Variants in SGMS1 observed in about 807,000 individuals in gnomAD.
The protein encoded by SGMS1 is sphingomyelin synthase 1, also known as phosphatidylcholine:ceramide cholinephosphotransferase 1.
In SGMS1, 13 loss-of-function variants were observed where a neutral mutation model predicts 46.2. That is an observed-to-expected ratio of 0.28 (90% CI 0.18 to 0.45). The LOEUF (loss-of-function observed/expected upper bound fraction) is 0.45. SGMS1 is among the 20% of genes least tolerant of loss of function. SGMS1 has a pLI of 1.00. For missense variants in SGMS1, 324 were observed against 519.9 expected (o/e 0.62, Z 3.66); for synonymous variants, 203 against 187.8 (o/e 1.08, Z -0.66).
At position 50,327,205 on chromosome 10, in the gene SGMS1, C is replaced by A; in HGVS notation, c.741G>T (p.Lys247Asn). 6.5e-7 allele frequency: 1 copy of A among 1,532,378 alleles called. No homozygotes were observed. Among genetic ancestry groups the A allele is most frequent in the Non-Finnish European group, 9.0e-7 (1 of 1,111,866 alleles). The allele number at this position is 1,532,378 out of a possible 1,614,324, so 94.9% of individuals were successfully genotyped here. ...VPGMHFNCSP[K>N]LFGDWEAQLR... Reference sequence around the variant, plus strand: ...GAAATTACAGCGAGGAATAGTTTACCTTCGGAGAACAGTTGAAATGCATAC... The same window carrying A: ...GAAATTACAGCGAGGAATAGTTTACATTCGGAGAACAGTTGAAATGCATAC... The change falls in exon 8 of 11, where the codon AAG (lysine) becomes AAT (asparagine). Residue 247 changes from lysine (K) to asparagine (N), a missense_variant and splice_region_variant. Coordinates refer to ENST00000361781, the MANE Select transcript of SGMS1 (RefSeq NM_147156.4).
At chr10:50,397,691 G>C (rs1241904034) in intron 6 of SGMS1, among the ~76,000 whole-genome samples, 1 of 152,180 alleles carries the variant, frequency 6.6e-6, no homozygotes. Context: ...AACACAAGTT[G>C]AGGAAGCTGC....
At chr10:50,616,016 G>A (rs1838793325) in intron 1 of SGMS1, among the ~76,000 whole-genome samples, 1 of 152,236 alleles carries the variant, frequency 6.6e-6, no homozygotes, top group Non-Finnish European at 1.5e-5. Context: ...TAGTCTTAGA[G>A]AGTGTTACAC....
At chr10:50,381,086 C>T (rs1405628511) in intron 6 of SGMS1, among the ~76,000 whole-genome samples, 2 of 151,694 alleles carry the variant, frequency 1.3e-5, no homozygotes, top group Admixed American at 1.3e-4. Context: ...GTCTCAGCCT[C>T]CCAAATTGCT....
At chr10:50,560,696 A>G (rs901387581) in intron 2 of SGMS1, among the ~76,000 whole-genome samples, 5 of 149,988 alleles carry the variant, frequency 3.3e-5, no homozygotes, top group Non-Finnish European at 5.9e-5. Context: ...TTACATATAT[A>G]CATCTGTGTA....
intron 7 of SGMS1, among the ~76,000 whole-genome samples, chr10:50,336,915 T>C (rs1390351006): frequency 6.6e-6 from 1 of 152,210 alleles, no homozygotes; most frequent in East Asian, 1.9e-4. Flanking sequence ...GCCTCTTGAA[T>C]AGGATAATAA....
At chr10:50,350,849 G>A (rs189624268) in intron 6 of SGMS1, among the ~76,000 whole-genome samples, 1 of 152,284 alleles carries the variant, frequency 6.6e-6, no homozygotes, top group Non-Finnish European at 1.5e-5. Context: ...CCTCTGCTAG[G>A]GCAGTGCAGA....
intron 6 of SGMS1, among the ~76,000 whole-genome samples, chr10:50,354,210 C>T (rs1278717298): frequency 2.6e-5 from 4 of 151,784 alleles, no homozygotes; most frequent in Non-Finnish European, 5.9e-5. Flanking sequence ...GCTACAGTAA[C>T]CAAAACAGCA....
chr10:50,562,856 T>G lies in SGMS1; in HGVS notation c.-589+27297A>C, dbSNP rs112438592. The stretch of plus-strand genomic sequence containing the variant: ...ACCGCGCCCGGCCGTCTCCATACTC[T>G]TTAGGAACTAGAGGGTTTGCTCCGT... On this transcript the variant is annotated intron_variant, in intron 2 of 10. Transcript: ENST00000361781. Among the ~76,000 whole-genome samples, 567 of 152,182 alleles carry G rather than the reference T, an allele frequency of 3.7e-3. 5 individuals are homozygous for G. Among genetic ancestry groups the G allele is most frequent in the Non-Finnish European group, 6.7e-3 (454 of 67,964 alleles).
At chr10:50,318,960 C>A (rs1250678613) in intron 8 of SGMS1, among the ~76,000 whole-genome samples, 3 of 152,082 alleles carry the variant, frequency 2.0e-5, no homozygotes, top group Non-Finnish European at 4.4e-5. Flanking sequence ...TTGTTGTAGT[C>A]TCTAACCGGA....
intron 2 of SGMS1, among the ~76,000 whole-genome samples, chr10:50,582,631 C>A (rs1032538453): frequency 2.0e-5 from 3 of 152,216 alleles, no homozygotes; most frequent in African/African-American, 7.2e-5. Flanking sequence ...TTGTCCCAAG[C>A]ATGTGCCCGG....
rs1259847855 is a variant in SGMS1 at position 50,501,634 on chromosome 10, A to T, written c.-498+18197T>A. On this transcript the variant is annotated intron_variant, in intron 3 of 10. Transcript: ENST00000361781. ...ACAAAATGTGAACACCCACAAGGCAAGTAGTGAAGAATTCCACCTACATAA... is the reference window on the plus strand; with the variant it reads ...ACAAAATGTGAACACCCACAAGGCATGTAGTGAAGAATTCCACCTACATAA... Among the ~76,000 whole-genome samples, 3 of 152,180 alleles carry T rather than the reference A, an allele frequency of 2.0e-5. No homozygotes were observed. In the East Asian group the frequency reaches 5.8e-4, roughly 29 times the overall value.
chr10:50,441,503 G>T (rs72801768), intron 5 of SGMS1, among the ~76,000 whole-genome samples: 26,223 of 152,106 alleles, frequency 0.17, 2,570 homozygotes, highest in Admixed American at 0.23. Flanking sequence ...TGAGAAAAAG[G>T]TAAATATTTC....
chr10:50,368,450 G>A (rs372754257), intron 6 of SGMS1, among the ~76,000 whole-genome samples: 10 of 152,176 alleles, frequency 6.6e-5, no homozygotes, highest in South Asian at 2.1e-4. Context: ...CCTGCCTCTC[G>A]GGTTCAATCA....
intron 4 of SGMS1, among the ~76,000 whole-genome samples, chr10:50,465,468 C>T (rs1483489135): frequency 1.3e-5 from 2 of 152,012 alleles, no homozygotes; most frequent in Admixed American, 6.5e-5. Flanking sequence ...CAAACAAAAA[C>T]AGGATCCTAA....
intron 2 of SGMS1, among the ~76,000 whole-genome samples, chr10:50,580,911 A>G (rs559758463): frequency 3.9e-5 from 6 of 152,264 alleles, no homozygotes; most frequent in African/African-American, 1.4e-4. Flanking sequence ...GGCAAATTTT[A>G]TGTTGTGTGT....
Position 50,495,563 on chromosome 10 carries a change from G to T in SGMS1, c.-498+24268C>A, listed in dbSNP as rs555190067. Among the ~76,000 whole-genome samples, 65 of 152,130 alleles carry T rather than the reference G, an allele frequency of 4.3e-4. 1 individual carries two copies. Among genetic ancestry groups the T allele is most frequent in the East Asian group, 9.7e-4 (5 of 5,180 alleles). ...TTTAAATGTACATATAAACATAGAAGTTTATTCTACAGATGTACTGAAGAA... is the reference window on the plus strand; with the variant it reads ...TTTAAATGTACATATAAACATAGAATTTTATTCTACAGATGTACTGAAGAA... On this transcript the variant is annotated intron_variant, in intron 3 of 10. Transcript: ENST00000361781.
chr10:50,353,032 C>G (rs185679712), intron 6 of SGMS1, among the ~76,000 whole-genome samples: 2 of 152,314 alleles, frequency 1.3e-5, no homozygotes, highest in Admixed American at 1.3e-4. Context: ...GGTACCATTC[C>G]TTCTGAAACT....
chr10:50,454,302 T>C (rs566705944), intron 5 of SGMS1, among the ~76,000 whole-genome samples: 1 of 152,046 alleles, frequency 6.6e-6, no homozygotes, highest in South Asian at 2.1e-4. Flanking sequence ...AAGAAGGGAA[T>C]AGAACTATGA....
At chr10:50,340,136 T>C (rs1847793755) in intron 7 of SGMS1, among the ~76,000 whole-genome samples, 1 of 152,210 alleles carries the variant, frequency 6.6e-6, no homozygotes, top group African/African-American at 2.4e-5. Context: ...CAAGTTGAGT[T>C]TGAGGAACCT....
Sources: gnomAD v4.1 joint callset for allele counts (sites outside exome capture counted in the v4.1 genomes callset) on GRCh38, gnomAD v4.1.1 for gene constraint, MANE v1.5 for transcripts, NCBI Gene and HGNC (gene_info 2026-07-23, HGNC 2026-07-21) for gene names.